Variants in FLT3 observed in about 807,000 individuals in gnomAD.
FLT3 encodes receptor-type tyrosine-protein kinase FLT3.
Under a neutral mutation model 126.6 loss-of-function variants are expected in FLT3, and 46 were observed. The ratio of observed to expected loss-of-function variants is 0.36; its 90% CI spans 0.29 to 0.46. FLT3 has a LOEUF of 0.46. Among genes scored for constraint, FLT3 ranks in the 20% least tolerant of loss-of-function variants. The pLI is 1.00. For synonymous variants in FLT3, 404 were observed against 434.4 expected, an observed-to-expected ratio of 0.93 and a Z score of 0.87; for missense variants, 1,069 against 1,190.3, an observed-to-expected ratio of 0.90 and a Z score of 1.50.
At chr13:28,043,593 G>A (rs928504732) in intron 9 of FLT3, among the ~76,000 whole-genome samples, 1 of 151,928 alleles carries the variant, frequency 6.6e-6, no homozygotes. Context: ...AACCAAATTC[G>A]GTTCAATTAA....
intron 23 of FLT3, among the ~76,000 whole-genome samples, chr13:28,010,003 T>C (rs2137594270): frequency 6.6e-6 from 1 of 152,290 alleles, no homozygotes; most frequent in African/African-American, 2.4e-5. Context: ...AGCCCCTGCC[T>C]AGTGTGCTCC....
intron 19 of FLT3, among the ~76,000 whole-genome samples, chr13:28,018,989 C>T (rs552719329): frequency 6.9e-5 from 9 of 130,134 alleles, no homozygotes; most frequent in South Asian, 4.8e-4. Flanking sequence ...TTTTTTGAGA[C>T]GGAGTTTCAC....
intron 8 of FLT3, among the ~76,000 whole-genome samples, chr13:28,049,172 T>C (rs1321956645): frequency 6.6e-6 from 1 of 152,216 alleles, no homozygotes; most frequent in Non-Finnish European, 1.5e-5. Context: ...CAATGTGTTA[T>C]ATGCAAAGAC....
At chr13:28,079,599 A>G (rs9554242) in intron 1 of FLT3, among the ~76,000 whole-genome samples, 27,600 of 152,148 alleles carry the variant, frequency 0.18, 2,538 homozygotes, top group Middle Eastern at 0.27. Context: ...ACAGTTCCAC[A>G]TGGCTGGGAG....
At chr13:28,023,261 G>T in intron 19 of FLT3, 89 bp downstream of exon 19, 1 of 1,359,096 alleles carries the variant, frequency 7.4e-7, no homozygotes, top group Non-Finnish European at 1.0e-6. Flanking sequence ...GACTTTAAGG[G>T]ATACAAGTTA....
At chr13:28,084,831 C>T (rs1047194376) in intron 1 of FLT3, among the ~76,000 whole-genome samples, 9 of 151,728 alleles carry the variant, frequency 5.9e-5, no homozygotes, top group African/African-American at 1.5e-4. Flanking sequence ...AAAAATTAGC[C>T]GGGCGTGGTG....
At chr13:28,022,745 G>T (rs529779491) in intron 19 of FLT3, among the ~76,000 whole-genome samples, 1 of 152,298 alleles carries the variant, frequency 6.6e-6, no homozygotes, top group South Asian at 2.1e-4. Context: ...CTGCTTATAG[G>T]CAGGAGACAT....
At position 28,075,197 on chromosome 13, in the gene FLT3, T is replaced by C. The variant is rs1448082267; in HGVS notation, c.44-4585A>G. Reference sequence around the variant, plus strand: ...TGATTAAATCAAGCTAATTAACATATACATCATTGTGGTTTTGATTTGCAT... The same window carrying C: ...TGATTAAATCAAGCTAATTAACATACACATCATTGTGGTTTTGATTTGCAT... On this transcript the variant is annotated intron_variant, in intron 1 of 23. Coordinates refer to ENST00000241453, the MANE Select transcript of FLT3 (RefSeq NM_004119.3). 2.6e-5 allele frequency among the ~76,000 whole-genome samples: 4 copies of C among 152,352 alleles called. No individual in the cohort carries two copies. The East Asian group carries it at 5.8e-4, about 22-fold the overall frequency.
intron 4 of FLT3, among the ~76,000 whole-genome samples, chr13:28,055,765 A>G (rs1332000784): frequency 2.0e-5 from 3 of 152,244 alleles, no homozygotes; most frequent in Non-Finnish European, 4.4e-5. Flanking sequence ...ACAACTGTTT[A>G]TACTTGGCAA....
chr13:28,010,758 C>T (rs1202238209), intron 23 of FLT3, among the ~76,000 whole-genome samples: 1 of 152,052 alleles, frequency 6.6e-6, no homozygotes, highest in Non-Finnish European at 1.5e-5. Flanking sequence ...TGTAATCCCC[C>T]CACCTTGGGA....
At chr13:28,088,486 C>T (rs1878824642) in intron 1 of FLT3, among the ~76,000 whole-genome samples, 1 of 151,898 alleles carries the variant, frequency 6.6e-6, no homozygotes, top group Non-Finnish European at 1.5e-5. Context: ...CAGGGTTTTG[C>T]CATGTTGGCC....
chr13:28,056,012 T>C (rs1346248441), intron 4 of FLT3, among the ~76,000 whole-genome samples: 1 of 152,170 alleles, frequency 6.6e-6, no homozygotes, highest in African/African-American at 2.4e-5. Context: ...CTTTCCAGAA[T>C]AAATTTTGGG....
intron 1 of FLT3, among the ~76,000 whole-genome samples, chr13:28,099,313 A>G (rs970782836): frequency 1.3e-5 from 2 of 152,260 alleles, no homozygotes; most frequent in Admixed American, 6.5e-5. Context: ...TGTACTACAC[A>G]TTTGAAATTA....
At chr13:28,082,287 A>G (rs1397558256) in intron 1 of FLT3, among the ~76,000 whole-genome samples, 1 of 152,108 alleles carries the variant, frequency 6.6e-6, no homozygotes, top group African/African-American at 2.4e-5. Flanking sequence ...AGTACCTAGG[A>G]CTACATGCAC....
intron 19 of FLT3, among the ~76,000 whole-genome samples, chr13:28,022,854 G>A (rs111686505): frequency 3.9e-5 from 6 of 152,328 alleles, no homozygotes; most frequent in African/African-American, 1.4e-4. Flanking sequence ...CCTTACCAAC[G>A]AATGGATCTG....
rs542512583 is a variant in FLT3 at position 28,044,881 on chromosome 13, T to A, written c.1205+3394A>T. On this transcript the variant is annotated intron_variant, in intron 9 of 23. Transcript: ENST00000241453. ...ACTGTGAGTTGCATTCCAGATATGA[T>A]GATGAATTCATTCATTTATTAAACA... Among the ~76,000 whole-genome samples, 52 of 152,334 alleles carry A rather than the reference T, an allele frequency of 3.4e-4. No homozygotes were observed. In the South Asian group the frequency reaches 0.011, roughly 32 times the overall value.
chr13:28,037,042 G>T (rs1281785565), intron 10 of FLT3, 143 bp downstream of exon 10: 3 of 610,034 alleles, frequency 4.9e-6, no homozygotes, highest in Non-Finnish European at 8.7e-6. Context: ...GTAGATATGA[G>T]AGTAAAGTTT....
intron 2 of FLT3, among the ~76,000 whole-genome samples, chr13:28,065,033 G>T (rs61953165): frequency 0.037 from 5,600 of 152,240 alleles, 201 homozygotes; most frequent in Admixed American, 0.12. Context: ...GAACTGATTT[G>T]CAATGATTTC....
At chr13:28,042,064 G>A (rs1186432545) in intron 9 of FLT3, among the ~76,000 whole-genome samples, 2 of 151,564 alleles carry the variant, frequency 1.3e-5, no homozygotes, top group Non-Finnish European at 2.9e-5. Flanking sequence ...TGAGGCAGGA[G>A]AATCGCTTGA....
Sources: gnomAD v4.1 joint callset for allele counts (sites outside exome capture counted in the v4.1 genomes callset) on GRCh38, gnomAD v4.1.1 for gene constraint, MANE v1.5 for transcripts, NCBI Gene and HGNC (gene_info 2026-07-23, HGNC 2026-07-21) for gene names.